Variants in MAGI2 observed in about 807,000 individuals in gnomAD.
The protein encoded by MAGI2 is membrane-associated guanylate kinase, WW and PDZ domain-containing protein 2.
MAGI2 carries 35 observed loss-of-function variants against 133.3 expected under a neutral mutation model. That is an observed-to-expected ratio of 0.26 (90% CI 0.20 to 0.35). The LOEUF is 0.35. Among genes scored for constraint, MAGI2 ranks in the 10% least tolerant of loss-of-function variants. The pLI, the probability that MAGI2 is intolerant of heterozygous loss-of-function variation, is 1.00. For synonymous variants in MAGI2, 729 were observed against 710.6 expected (o/e 1.03, Z -0.41); for missense variants, 1,636 against 1,863.4 (o/e 0.88, Z 2.25).
chr7:79,002,241 C>T (rs1004374441), intron 2 of MAGI2, among the ~76,000 whole-genome samples: 5 of 151,722 alleles, frequency 3.3e-5, no homozygotes, highest in Non-Finnish European at 7.4e-5. Flanking sequence ...AAGTGATCCT[C>T]ACAAGTAGCT....
At position 78,738,350 on chromosome 7, in the gene MAGI2, CT is replaced by C. The variant is rs199541124; in HGVS notation, c.419-111112del. Among the ~76,000 whole-genome samples, 211 of 151,880 alleles carry C rather than the reference CT, an allele frequency of 1.4e-3. 2 individuals carry two copies. The highest frequency in any genetic ancestry group is 4.8e-3 in the African/African-American group (198 of 41,410). On this transcript the variant is annotated intron_variant, in intron 2 of 21. Transcript: ENST00000354212. ...TACTTTTTGATGTAATATTTTAAGACTTTTTTTTCTGGTAATACAGGCACTT... is the reference window on the plus strand; with the variant it reads ...TACTTTTTGATGTAATATTTTAAGACTTTTTTTCTGGTAATACAGGCACTT...
intron 1 of MAGI2, among the ~76,000 whole-genome samples, chr7:79,285,230 A>T (rs1835916431): frequency 6.6e-6 from 1 of 152,038 alleles, no homozygotes; most frequent in African/African-American, 2.4e-5. Flanking sequence ...TCCATTACTA[A>T]GATGATAGCA....
chr7:78,890,054 C>A (rs1391798541), intron 2 of MAGI2, among the ~76,000 whole-genome samples: 4 of 151,454 alleles, frequency 2.6e-5, no homozygotes, highest in Non-Finnish European at 1.5e-5. Flanking sequence ...CAAATGAAAA[C>A]AAAAAAGGCA....
intron 2 of MAGI2, among the ~76,000 whole-genome samples, chr7:78,653,471 C>A (rs780397944): frequency 2.0e-5 from 3 of 152,118 alleles, no homozygotes; most frequent in Non-Finnish European, 4.4e-5. Flanking sequence ...AGGATGAGTT[C>A]ATGTCCTTTG....
chr7:78,558,469 C>T (rs1020317467), intron 3 of MAGI2, among the ~76,000 whole-genome samples: 6 of 152,066 alleles, frequency 3.9e-5, no homozygotes, highest in Non-Finnish European at 8.8e-5. Flanking sequence ...AAGAATGAAA[C>T]TTAAGATTCA....
intron 2 of MAGI2, among the ~76,000 whole-genome samples, chr7:78,981,543 T>C (rs950049542): frequency 1.3e-5 from 2 of 151,962 alleles, no homozygotes; most frequent in African/African-American, 4.8e-5. Flanking sequence ...AATTTAAGCA[T>C]AATCATTTTA....
chr7:79,090,030 A>C (rs1476244722), intron 1 of MAGI2, among the ~76,000 whole-genome samples: 1 of 152,046 alleles, frequency 6.6e-6, no homozygotes, highest in Non-Finnish European at 1.5e-5. Flanking sequence ...CATCTACATA[A>C]AAAAATTAAA....
chr7:78,108,626 C>T (rs914175952), intron 20 of MAGI2, among the ~76,000 whole-genome samples: 2 of 118,604 alleles, frequency 1.7e-5, no homozygotes, highest in African/African-American at 6.3e-5. Context: ...CTCTCATTCT[C>T]TCTCTCTCTC....
intron 4 of MAGI2, among the ~76,000 whole-genome samples, chr7:78,514,414 A>C (rs1242917189): frequency 6.6e-6 from 1 of 152,108 alleles, no homozygotes; most frequent in Admixed American, 6.6e-5. Flanking sequence ...TAATTCTTTC[A>C]AGAAAAGATG....
chr7:79,011,912 CCTTCCTTCCTTCCTTTCTTT>C (rs1428934226), intron 1 of MAGI2, among the ~76,000 whole-genome samples: 22 of 133,568 alleles, frequency 1.6e-4, no homozygotes, highest in East Asian at 8.4e-4. Flanking sequence ...TTCCTTCCTT[CCTTCCTTCCTTCCTTTCTTT>C]CTTTCTTTCT....
At chr7:78,470,250 T>C (rs1791057667) in intron 6 of MAGI2, among the ~76,000 whole-genome samples, 2 of 152,162 alleles carry the variant, frequency 1.3e-5, no homozygotes, top group Admixed American at 6.6e-5. Flanking sequence ...AGTAATATGC[T>C]ACATTTTGTA....
chr7:78,844,961 A>C (rs1792465711), intron 2 of MAGI2, among the ~76,000 whole-genome samples: 1 of 151,982 alleles, frequency 6.6e-6, no homozygotes, highest in South Asian at 2.1e-4. Context: ...GAAACTAGAA[A>C]TCTATCTCTC....
At position 78,929,043 on chromosome 7, in the gene MAGI2, A is replaced by G. The variant is rs367675519; in HGVS notation, c.418+78047T>C. ...CTCTCTCAGAGGTTAAAAAATTCCA[A>G]TGGAATATTAAAGAATAATGTTATA... On this transcript the variant is annotated intron_variant, in intron 2 of 21. Coordinates refer to ENST00000354212, the MANE Select transcript of MAGI2 (RefSeq NM_012301.4). Among the ~76,000 whole-genome samples the G allele has an allele frequency of 5.9e-5, 9 of 152,232 alleles. No homozygotes were observed. In the East Asian group the frequency reaches 9.7e-4, roughly 16 times the overall value.
At chr7:79,316,463 G>A (rs576939082) in intron 1 of MAGI2, among the ~76,000 whole-genome samples, 211 of 152,108 alleles carry the variant, frequency 1.4e-3, no homozygotes, top group African/African-American at 4.8e-3. Context: ...ACATATATGT[G>A]CACATGTATA....
intron 4 of MAGI2, among the ~76,000 whole-genome samples, chr7:78,521,069 TTACAC>T: frequency 6.6e-6 from 1 of 152,228 alleles, no homozygotes; most frequent in South Asian, 2.1e-4. Flanking sequence ...GCTCAAAACT[TTACAC>T]AACCATATAT....
intron 13 of MAGI2, among the ~76,000 whole-genome samples, chr7:78,183,479 T>C (rs1338012103): frequency 6.6e-6 from 1 of 152,050 alleles, no homozygotes; most frequent in Non-Finnish European, 1.5e-5. Context: ...TTGGCCAGGA[T>C]GGTCTCGATC....
chr7:78,937,340 T>A (rs979788497), intron 2 of MAGI2, among the ~76,000 whole-genome samples: 1 of 152,164 alleles, frequency 6.6e-6, no homozygotes, highest in African/African-American at 2.4e-5. Context: ...AGACACCTAT[T>A]CCTTTTAATA....
intron 1 of MAGI2, among the ~76,000 whole-genome samples, chr7:79,163,574 G>A (rs1824615589): frequency 6.6e-6 from 1 of 152,030 alleles, no homozygotes; most frequent in Non-Finnish European, 1.5e-5. Context: ...CCTGAAGAGA[G>A]ATTAAATTTG....
chr7:78,912,553 C>T (rs1798477642), intron 2 of MAGI2, among the ~76,000 whole-genome samples: 1 of 151,860 alleles, frequency 6.6e-6, no homozygotes, highest in Non-Finnish European at 1.5e-5. Context: ...TTGGCTTAGC[C>T]TTCCAGCCTA....
Sources: gnomAD v4.1 joint callset for allele counts (sites outside exome capture counted in the v4.1 genomes callset) on GRCh38, gnomAD v4.1.1 for gene constraint, MANE v1.5 for transcripts, NCBI Gene and HGNC (gene_info 2026-07-23, HGNC 2026-07-21) for gene names.